The following CAMKMT variants were observed in gnomAD, a reference collection of about 807,000 sequenced individuals.
CAMKMT encodes the protein CaM KMT.
In CAMKMT, 53 loss-of-function variants were observed where a neutral mutation model predicts 48.0. The observed-to-expected ratio is 1.10, with a 90% confidence interval of 0.89 to 1.39. CAMKMT has a LOEUF of 1.39. Among genes scored for constraint, CAMKMT ranks in the 40% most tolerant of loss-of-function variants. The probability of loss-of-function intolerance (pLI) is 0.00; values close to 1 mark genes in which losing one functional copy is unlikely to be tolerated. For missense variants in CAMKMT, 428 were observed against 402.7 expected (o/e 1.06, Z -0.54); for synonymous variants, 165 against 152.3 (o/e 1.08, Z -0.61).
At chr2:44,696,301 G>A (rs952600830) in intron 3 of CAMKMT, among the ~76,000 whole-genome samples, 2 of 152,146 alleles carry the variant, frequency 1.3e-5, no homozygotes, top group African/African-American at 4.8e-5. Context: ...GGATATGCAT[G>A]CAAATACTAC....
At chr2:44,453,404 G>T (rs1430943355) in intron 3 of CAMKMT, among the ~76,000 whole-genome samples, 1 of 152,048 alleles carries the variant, frequency 6.6e-6, no homozygotes, top group Admixed American at 6.6e-5. Flanking sequence ...CAGGGGTCTT[G>T]TAAAGAATGC....
intron 9 of CAMKMT, among the ~76,000 whole-genome samples, chr2:44,765,657 A>C (rs1465517073): frequency 6.6e-6 from 1 of 152,172 alleles, no homozygotes; most frequent in African/African-American, 2.4e-5. Context: ...GGTCTTCTGA[A>C]ATCCAGTACA....
chr2:44,490,312 G>A (rs769956281), intron 3 of CAMKMT, among the ~76,000 whole-genome samples: 1 of 151,120 alleles, frequency 6.6e-6, no homozygotes, highest in Non-Finnish European at 1.5e-5. Context: ...TTTTGCTCTC[G>A]TTGCCCAGAC....
At chr2:44,383,870 G>A (rs1427610435) in intron 2 of CAMKMT, among the ~76,000 whole-genome samples, 3 of 151,884 alleles carry the variant, frequency 2.0e-5, no homozygotes, top group African/African-American at 4.8e-5. Context: ...TTATCCACTC[G>A]TTGATTGATG....
At chr2:44,579,116 G>C (rs767137129) in intron 3 of CAMKMT, among the ~76,000 whole-genome samples, 2 of 152,202 alleles carry the variant, frequency 1.3e-5, no homozygotes, top group African/African-American at 2.4e-5. Flanking sequence ...GCTGTCATTG[G>C]CAGTGTGTTT....
chr2:44,513,124 C>G (rs769062115), intron 3 of CAMKMT, among the ~76,000 whole-genome samples: 2 of 152,142 alleles, frequency 1.3e-5, no homozygotes, highest in Admixed American at 6.5e-5. Context: ...CTATTGATCA[C>G]AATTTCCAAG....
chr2:44,691,751 T>A (rs984853387), intron 3 of CAMKMT, among the ~76,000 whole-genome samples: 1 of 152,176 alleles, frequency 6.6e-6, no homozygotes, highest in Non-Finnish European at 1.5e-5. Flanking sequence ...TGACCCAGTA[T>A]CTGCATGACT....
intron 3 of CAMKMT, among the ~76,000 whole-genome samples, chr2:44,578,521 G>A (rs1434280200): frequency 6.6e-6 from 1 of 151,956 alleles, no homozygotes; most frequent in Non-Finnish European, 1.5e-5. Flanking sequence ...TGAAGAGGTG[G>A]GAAAAACTCC....
intron 3 of CAMKMT, among the ~76,000 whole-genome samples, chr2:44,527,258 G>T (rs1471434874): frequency 1.4e-5 from 2 of 140,288 alleles, no homozygotes; most frequent in African/African-American, 2.6e-5. Flanking sequence ...ACCATATCTG[G>T]CAATATATAT....
rs184630043 is a variant in CAMKMT at position 44,764,316 on chromosome 2, G to C, written c.763-2114G>C. Among the ~76,000 whole-genome samples, 14 of 152,242 alleles carry C rather than the reference G, an allele frequency of 9.2e-5. No individual in the cohort carries two copies. The East Asian group carries it at 2.5e-3, about 27-fold the overall frequency. The stretch of plus-strand genomic sequence containing the variant: ...CGGGTAAGTGAGGGCGAAGGGGAGA[G>C]GGAGAGAGAATTGATAGCATTTTTA... On this transcript the variant is annotated intron_variant, in intron 9 of 10. Transcript: ENST00000378494.
At chr2:44,464,104 A>G (rs1233926193) in intron 3 of CAMKMT, among the ~76,000 whole-genome samples, 2 of 152,226 alleles carry the variant, frequency 1.3e-5, no homozygotes, top group Non-Finnish European at 2.9e-5. Context: ...CAGGCAAACA[A>G]AGCATGAACA....
chr2:44,676,966 AC>A (rs1302593125), intron 3 of CAMKMT, among the ~76,000 whole-genome samples: 1 of 152,124 alleles, frequency 6.6e-6, no homozygotes, highest in Non-Finnish European at 1.5e-5. Context: ...CAGGAAACAA[AC>A]CACTGTATTT....
chr2:44,632,729 G>T (rs914613913), intron 3 of CAMKMT, among the ~76,000 whole-genome samples: 1 of 152,122 alleles, frequency 6.6e-6, no homozygotes, highest in South Asian at 2.1e-4. Context: ...CCTTTAATCT[G>T]GGCCGGCACC....
chr2:44,435,024 G>C (rs1038638395), intron 3 of CAMKMT, among the ~76,000 whole-genome samples: 2 of 152,022 alleles, frequency 1.3e-5, no homozygotes, highest in African/African-American at 4.8e-5. Flanking sequence ...TATGAGCATC[G>C]TTAGGTTCTT....
At position 44,427,749 on chromosome 2, in the gene CAMKMT, C is replaced by G. The variant is rs113645790; in HGVS notation, c.376+37444C>G. Among the ~76,000 whole-genome samples, 3 of 152,064 alleles carry G rather than the reference C, an allele frequency of 2.0e-5. No individual in the cohort carries two copies. In the South Asian group the frequency reaches 6.2e-4, roughly 32 times the overall value. Reference sequence around the variant, plus strand: ...CAAAAAACAGCTGCTACAAAATATACCAGATTTGTATTATATTGAATTTGT... The same window carrying G: ...CAAAAAACAGCTGCTACAAAATATAGCAGATTTGTATTATATTGAATTTGT... On this transcript the variant is annotated intron_variant, in intron 3 of 10. Transcript: ENST00000378494.
intron 3 of CAMKMT, among the ~76,000 whole-genome samples, chr2:44,558,905 C>G (rs189422669): frequency 3.3e-5 from 5 of 151,938 alleles, no homozygotes; most frequent in African/African-American, 1.2e-4. Context: ...ATGTAACAAA[C>G]TTGAATACAT....
rs544466007 is a variant in CAMKMT at position 44,444,237 on chromosome 2, T to G, written c.376+53932T>G. Among the ~76,000 whole-genome samples the G allele has an allele frequency of 3.3e-5, 5 of 152,338 alleles. No homozygotes were observed. In the East Asian group the frequency reaches 9.6e-4, roughly 29 times the overall value. ...TTTGAAAGAGCATTAAATTCAGTCCTGCCTTGAGCAATTTAGTATTTTTTG... is the reference window on the plus strand; with the variant it reads ...TTTGAAAGAGCATTAAATTCAGTCCGGCCTTGAGCAATTTAGTATTTTTTG... On this transcript the variant is annotated intron_variant, in intron 3 of 10. Coordinates refer to ENST00000378494, the MANE Select transcript of CAMKMT (RefSeq NM_024766.5).
Position 44,609,182 on chromosome 2 carries a change from G to C in CAMKMT, c.377-95101G>C, listed in dbSNP as rs1342771574. Among the ~76,000 whole-genome samples, 5 of 152,222 alleles carry C rather than the reference G, an allele frequency of 3.3e-5. No individual in the cohort carries two copies. In the East Asian group the frequency reaches 9.6e-4, roughly 29 times the overall value. On this transcript the variant is annotated intron_variant, in intron 3 of 10. Transcript: ENST00000378494. ...CGAAGTAGAGGGTAGAATGGCGATT[G>C]CCAGAGACTGGGGTGGTTAATGTGG...
rs1467094532 is a variant in CAMKMT, at chr2:44,479,412, C to A, written c.376+89107C>A. Among the ~76,000 whole-genome samples the A allele has an allele frequency of 5.3e-5, 8 of 152,086 alleles. No homozygotes were observed. In the East Asian group the frequency reaches 1.3e-3, roughly 26 times the overall value. On this transcript the variant is annotated intron_variant, in intron 3 of 10. Coordinates refer to ENST00000378494, the MANE Select transcript of CAMKMT (RefSeq NM_024766.5). Reference sequence around the variant, plus strand: ...GAGTTCACGGTTGTGGGTTTTTTTCCTATCTCAGATCACCTAGCAACTTTA... The same window carrying A: ...GAGTTCACGGTTGTGGGTTTTTTTCATATCTCAGATCACCTAGCAACTTTA...
Sources: gnomAD v4.1 joint callset for allele counts (sites outside exome capture counted in the v4.1 genomes callset) on GRCh38, gnomAD v4.1.1 for gene constraint, MANE v1.5 for transcripts, NCBI Gene and HGNC (gene_info 2026-07-23, HGNC 2026-07-21) for gene names.